IGF2BP2: variants seen among roughly 807,000 people sequenced by gnomAD.
The protein encoded by IGF2BP2 is insulin like growth factor 2 mRNA binding protein 2.
In IGF2BP2, 17 loss-of-function variants were observed where a neutral mutation model predicts 75.8. That is an observed-to-expected ratio of 0.22 (90% CI 0.15 to 0.34). The LOEUF (loss-of-function observed/expected upper bound fraction) is 0.34. IGF2BP2 is among the 10% of genes least tolerant of loss of function. The probability of loss-of-function intolerance (pLI) is 1.00; values close to 1 mark genes in which losing one functional copy is unlikely to be tolerated. For missense variants in IGF2BP2, 516 were observed against 772.4 expected (o/e 0.67, Z 3.93); for synonymous variants, 288 against 295.6 (o/e 0.97, Z 0.26).
chr3:185,793,957 C>CTTT (rs576340143), intron 2 of IGF2BP2, among the ~76,000 whole-genome samples: 4 of 125,494 alleles, frequency 3.2e-5, no homozygotes, highest in East Asian at 2.2e-4. Context: ...AAGCAGATTC[C>CTTT]TTTTTTTTTT....
In IGF2BP2 at chr3:185,645,244, G is replaced by T. The variant is rs1457733412; in HGVS notation, c.*287C>A. On this transcript the variant is annotated 3_prime_UTR_variant, in exon 16 of 16. Transcript: ENST00000382199. The surrounding 1 kb of genome is among the most constrained non-coding windows in gnomAD (Gnocchi z 4.9). The stretch of plus-strand genomic sequence containing the variant: ...AAAGGGATAGCGTCGTGGGAGTTCA[G>T]GAGAGATCCGAGTGGATGGTGAAGT... 4.1e-6 allele frequency: 2 copies of T among 492,638 alleles called. No individual in the cohort carries two copies. Among genetic ancestry groups the T allele is most frequent in the Non-Finnish European group, 7.3e-6 (2 of 272,986 alleles). The allele number at this position is 492,638 out of a possible 1,614,324, so 30.5% of individuals were successfully genotyped here.
chr3:185,775,774 G>T (rs1019337529), intron 2 of IGF2BP2, among the ~76,000 whole-genome samples: 1 of 152,146 alleles, frequency 6.6e-6, no homozygotes, highest in Non-Finnish European at 1.5e-5. Flanking sequence ...ATGGCTGAGT[G>T]AAGATTACTG....
At chr3:185,817,329 TC>T (rs1471981195) in intron 2 of IGF2BP2, among the ~76,000 whole-genome samples, 1 of 152,194 alleles carries the variant, frequency 6.6e-6, no homozygotes, top group Non-Finnish European at 1.5e-5. Flanking sequence ...CTTGAATGCC[TC>T]CTATTAATGC....
intron 4 of IGF2BP2, among the ~76,000 whole-genome samples, chr3:185,694,496 G>C (rs184760590): frequency 6.6e-6 from 1 of 152,330 alleles, no homozygotes; most frequent in East Asian, 1.9e-4. Flanking sequence ...CACTGGGCAT[G>C]AAAGTTCTAT....
At chr3:185,711,326 C>A (rs984163067) in intron 2 of IGF2BP2, among the ~76,000 whole-genome samples, 3 of 152,194 alleles carry the variant, frequency 2.0e-5, no homozygotes, top group African/African-American at 7.2e-5. Context: ...CCTGCACACC[C>A]ACAGCTTCTA....
intron 2 of IGF2BP2, chr3:185,722,363 T>C (rs1726702760): frequency 9.6e-6 from 4 of 417,526 alleles, no homozygotes; most frequent in South Asian, 6.8e-5. Flanking sequence ...TTTCAAAAAG[T>C]AAGGAAGAAA....
At chr3:185,702,378 G>A (rs1723427024) in intron 2 of IGF2BP2, among the ~76,000 whole-genome samples, 1 of 152,030 alleles carries the variant, frequency 6.6e-6, no homozygotes, top group Admixed American at 6.6e-5. Flanking sequence ...AAAGTATCTG[G>A]CTCAGTCTCA....
chr3:185,654,989 T>C (rs915945589), intron 12 of IGF2BP2, among the ~76,000 whole-genome samples: 3 of 152,152 alleles, frequency 2.0e-5, no homozygotes, highest in Non-Finnish European at 2.9e-5. Flanking sequence ...GTGCCCCTCA[T>C]TGTGGCCCCC....
At chr3:185,820,381 T>C (rs1301508592) in intron 2 of IGF2BP2, among the ~76,000 whole-genome samples, 1 of 152,022 alleles carries the variant, frequency 6.6e-6, no homozygotes, top group South Asian at 2.1e-4. Flanking sequence ...TCCTCTTTAA[T>C]AAACATTTGA....
intron 2 of IGF2BP2, among the ~76,000 whole-genome samples, chr3:185,740,070 A>G (rs1276823048): frequency 6.6e-6 from 1 of 151,492 alleles, no homozygotes; most frequent in African/African-American, 2.4e-5. Flanking sequence ...CTAGTCTCTA[A>G]CTCCTGGGCT....
chr3:185,800,318 C>A (rs1001805161), intron 2 of IGF2BP2, among the ~76,000 whole-genome samples: 1 of 152,000 alleles, frequency 6.6e-6, no homozygotes, highest in Admixed American at 6.6e-5. Flanking sequence ...AGGAGAAACA[C>A]CTAATGTAAA....
intron 10 of IGF2BP2, 129 bp downstream of exon 10, chr3:185,672,412 A>G (rs1412232023): frequency 3.2e-6 from 3 of 929,776 alleles, no homozygotes; most frequent in Non-Finnish European, 4.8e-6. Flanking sequence ...TTCAACCTAC[A>G]TTGGATTCAT....
chr3:185,652,230 G>T, intron 12 of IGF2BP2, 62 bp from the exon 13 acceptor site: 2 of 1,411,344 alleles, frequency 1.4e-6, no homozygotes, highest in Non-Finnish European at 2.0e-6. Flanking sequence ...CCTCTTTCTT[G>T]TCTAAGTGGA....
At chr3:185,707,734 A>T (rs1369722695) in intron 2 of IGF2BP2, among the ~76,000 whole-genome samples, 1 of 152,172 alleles carries the variant, frequency 6.6e-6, no homozygotes, top group African/African-American at 2.4e-5. Flanking sequence ...TTCGGAAATC[A>T]AACAAAAACA....
chr3:185,778,177 G>A (rs1207500205), intron 2 of IGF2BP2, among the ~76,000 whole-genome samples: 1 of 152,136 alleles, frequency 6.6e-6, no homozygotes, highest in Non-Finnish European at 1.5e-5. Flanking sequence ...AAAGTTGAGA[G>A]TAGCTGGAGC....
At chr3:185,821,922 CG>C (rs1741429572) in intron 2 of IGF2BP2, among the ~76,000 whole-genome samples, 1 of 151,886 alleles carries the variant, frequency 6.6e-6, no homozygotes, top group African/African-American at 2.4e-5. Flanking sequence ...ATTGGTTACA[CG>C]TTACATCTTT....
intron 2 of IGF2BP2, among the ~76,000 whole-genome samples, chr3:185,769,081 G>A (rs1055402636): frequency 6.6e-6 from 1 of 152,098 alleles, no homozygotes; most frequent in Non-Finnish European, 1.5e-5. Flanking sequence ...GGTGGTCCAC[G>A]CCTGTAATCC....
intron 2 of IGF2BP2, among the ~76,000 whole-genome samples, chr3:185,787,704 G>A (rs563056139): frequency 5.6e-4 from 84 of 151,316 alleles, no homozygotes; most frequent in African/African-American, 1.6e-3. Flanking sequence ...CTGCACTCCC[G>A]CCTGGGCAAC....
intron 2 of IGF2BP2, among the ~76,000 whole-genome samples, chr3:185,730,241 A>G (rs1727961357): frequency 6.6e-6 from 1 of 152,096 alleles, no homozygotes; most frequent in African/African-American, 2.4e-5. Flanking sequence ...TATTTCACAT[A>G]AGATAATGTG....
Sources: gnomAD v4.1 joint callset for allele counts (sites outside exome capture counted in the v4.1 genomes callset) on GRCh38, gnomAD v4.1.1 for gene constraint, Gnocchi (gnomAD v3.1) non-coding constraint, MANE v1.5 for transcripts, NCBI Gene and HGNC (gene_info 2026-07-23, HGNC 2026-07-21) for gene names.